Variants in IQCM observed in about 807,000 individuals in gnomAD.
IQCM encodes the protein IQ domain-containing protein M.
IQCM carries 45 observed loss-of-function variants against 57.6 expected under a neutral mutation model. The ratio of observed to expected loss-of-function variants is 0.78; its 90% CI spans 0.62 to 1.00. The LOEUF is 1.00. IQCM is among the 50% of genes least tolerant of loss of function. IQCM has a pLI of 0.00. For synonymous variants in IQCM, 148 were observed against 158.9 expected (o/e 0.93, Z 0.51); for missense variants, 468 against 511.6 (o/e 0.91, Z 0.82).
intron 12 of IQCM, among the ~76,000 whole-genome samples, chr4:149,450,372 C>T (rs574184806): frequency 2.0e-5 from 3 of 151,700 alleles, no homozygotes; most frequent in Non-Finnish European, 1.5e-5. Context: ...GGAATCAGAT[C>T]AAGTTAAAAA....
intron 5 of IQCM, among the ~76,000 whole-genome samples, chr4:149,730,392 C>T (rs1766347508): frequency 2.0e-5 from 3 of 152,250 alleles, no homozygotes; most frequent in East Asian, 1.9e-4. Context: ...AGTAAACATG[C>T]TAAAATGCAA....
intron 7 of IQCM, among the ~76,000 whole-genome samples, chr4:149,635,492 C>G (rs1026405841): frequency 6.6e-6 from 1 of 152,088 alleles, no homozygotes; most frequent in African/African-American, 2.4e-5. Context: ...ATAAAATATG[C>G]CCTCTCCTGC....
chr4:149,607,953 A>G (rs1754942738), intron 8 of IQCM, among the ~76,000 whole-genome samples: 1 of 151,964 alleles, frequency 6.6e-6, no homozygotes, highest in African/African-American at 2.4e-5. Flanking sequence ...AATGAACTAA[A>G]TTTTCCAATC....
intron 12 of IQCM, among the ~76,000 whole-genome samples, chr4:149,530,043 C>T (rs1236109009): frequency 6.6e-6 from 1 of 152,062 alleles, no homozygotes; most frequent in Admixed American, 6.6e-5. Context: ...GGACTTGATC[C>T]TTCCCACAGT....
chr4:149,517,546 T>A (rs1745108868), intron 12 of IQCM, among the ~76,000 whole-genome samples: 1 of 152,198 alleles, frequency 6.6e-6, no homozygotes, highest in East Asian at 1.9e-4. Context: ...TGGGTTCAAG[T>A]TGACAAGGGG....
intron 12 of IQCM, among the ~76,000 whole-genome samples, chr4:149,442,856 A>G (rs1736084986): frequency 6.6e-6 from 1 of 151,778 alleles, no homozygotes; most frequent in Non-Finnish European, 1.5e-5. Flanking sequence ...TCAATTCTAC[A>G]TTTTAAGATA....
intron 12 of IQCM, among the ~76,000 whole-genome samples, chr4:149,461,466 T>C (rs757145301): frequency 5.9e-5 from 9 of 151,800 alleles, no homozygotes; most frequent in Admixed American, 5.3e-4. Flanking sequence ...CAAACATGAC[T>C]ACATGGTGAA....
chr4:149,738,723 A>C (rs1767171378), intron 3 of IQCM, among the ~76,000 whole-genome samples: 1 of 152,072 alleles, frequency 6.6e-6, no homozygotes, highest in Non-Finnish European at 1.5e-5. Context: ...GGCTCCAATG[A>C]AGTCATGTGG....
intron 5 of IQCM, among the ~76,000 whole-genome samples, chr4:149,723,433 T>C (rs550457403): frequency 6.6e-6 from 1 of 152,172 alleles, no homozygotes; most frequent in East Asian, 1.9e-4. Flanking sequence ...CTATCATATA[T>C]GGCTTTTATT....
rs572017084 is a variant in IQCM at position 149,457,733 on chromosome 4, GA to G, written c.1229-24177del. Among the ~76,000 whole-genome samples, 397 of 152,090 alleles carry G rather than the reference GA, an allele frequency of 2.6e-3. 4 individuals are homozygous for G. Among genetic ancestry groups the G allele is most frequent in the Non-Finnish European group, 4.0e-3 (271 of 67,932 alleles). Reference sequence around the variant, plus strand: ...CATGATGCCAACGTTATGGTTTAAAGATGTGATTTACAAATAGATTTTAGAA... The same window carrying G: ...CATGATGCCAACGTTATGGTTTAAAGTGTGATTTACAAATAGATTTTAGAA... On this transcript the variant is annotated intron_variant, in intron 12 of 13. Coordinates refer to ENST00000636793, the MANE Select transcript of IQCM (RefSeq NM_001363507.2).
At chr4:149,758,446 G>A (rs1769194704) in intron 2 of IQCM, among the ~76,000 whole-genome samples, 2 of 151,968 alleles carry the variant, frequency 1.3e-5, no homozygotes, top group Admixed American at 1.3e-4. Flanking sequence ...TGACACCAAA[G>A]TTATTATTCA....
intron 7 of IQCM, among the ~76,000 whole-genome samples, chr4:149,671,989 T>G (rs1006887348): frequency 2.0e-5 from 3 of 152,192 alleles, no homozygotes; most frequent in South Asian, 4.1e-4. Context: ...ACACCTCCGC[T>G]GGTGATACCC....
At chr4:149,575,968 A>T (rs192936658) in intron 9 of IQCM, among the ~76,000 whole-genome samples, 1 of 151,942 alleles carries the variant, frequency 6.6e-6, no homozygotes, top group Non-Finnish European at 1.5e-5. Flanking sequence ...CAAAATAGAG[A>T]CTTAAAATTC....
chr4:149,595,538 G>A (rs925182291), intron 8 of IQCM, among the ~76,000 whole-genome samples: 12 of 151,964 alleles, frequency 7.9e-5, no homozygotes, highest in Admixed American at 7.9e-4. Context: ...TGCCAGGCTG[G>A]GCTATTAACA....
chr4:149,487,122 C>A (rs887277670), intron 12 of IQCM, among the ~76,000 whole-genome samples: 3 of 152,176 alleles, frequency 2.0e-5, no homozygotes, highest in Admixed American at 6.5e-5. Flanking sequence ...ATTCAAGGCC[C>A]AAGAGCTTTT....
At chr4:149,367,891 G>A (rs1199129538) in intron 13 of IQCM, among the ~76,000 whole-genome samples, 1 of 151,912 alleles carries the variant, frequency 6.6e-6, no homozygotes, top group Non-Finnish European at 1.5e-5. Flanking sequence ...TCACCTATTA[G>A]TGATTTTGAG....
At chr4:149,564,914 C>T (rs1376766177) in intron 9 of IQCM, among the ~76,000 whole-genome samples, 1 of 152,106 alleles carries the variant, frequency 6.6e-6, no homozygotes, top group African/African-American at 2.4e-5. Context: ...AGATTTACTA[C>T]CATTAACAGA....
At chr4:149,678,253 G>T (rs1363290362) in intron 7 of IQCM, among the ~76,000 whole-genome samples, 1 of 151,470 alleles carries the variant, frequency 6.6e-6, no homozygotes, top group African/African-American at 2.4e-5. Flanking sequence ...CAAAGGTCAA[G>T]GATAAAGAAA....
At chr4:149,393,083 A>C (rs1395190246) in intron 13 of IQCM, among the ~76,000 whole-genome samples, 2 of 151,962 alleles carry the variant, frequency 1.3e-5, no homozygotes, top group Non-Finnish European at 2.9e-5. Context: ...GCTGAGATGT[A>C]ATGCTCATAT....
Sources: allele counts gnomAD v4.1 joint callset (sites outside exome capture counted in the v4.1 genomes callset), GRCh38; gene constraint gnomAD v4.1.1; transcripts MANE v1.5; gene names NCBI Gene and HGNC (gene_info 2026-07-23, HGNC 2026-07-21).